METTL22: variants seen among roughly 807,000 people sequenced by gnomAD.
The protein encoded by METTL22 is methyltransferase-like protein 22.
In METTL22, 51 loss-of-function variants were observed where a neutral mutation model predicts 48.4. The observed-to-expected ratio is 1.05, with a 90% CI of 0.84 to 1.33. The LOEUF is 1.33. Among genes scored for constraint, METTL22 ranks in the 40% most tolerant of loss-of-function variants. The pLI, the probability that METTL22 is intolerant of heterozygous loss-of-function variation, is 0.00. For missense variants in METTL22, 678 were observed against 526.9 expected, an observed-to-expected ratio of 1.29 and a Z score of -2.81; for synonymous variants, 255 against 214.1, an observed-to-expected ratio of 1.19 and a Z score of -1.67.
chr16:8,635,152 G>A lies in METTL22; in HGVS notation c.556-16G>A, dbSNP rs200892057. On this transcript the variant is annotated splice_polypyrimidine_tract_variant and intron_variant, in intron 4 of 10. Transcript: ENST00000381920. The stretch of plus-strand genomic sequence containing the variant: ...AGCCTCACGCTGCTTGTCGCTCCTT[G>A]TCCTCTTCCCTCCAGGTGTGGCGGG... 15 of 1,613,566 alleles carry A rather than the reference G, an allele frequency of 9.3e-6. No homozygotes were observed. In the Admixed American group the frequency reaches 2.5e-4, roughly 27 times the overall value.
chr16:8,637,740 A>G (rs1184418224), intron 5 of METTL22, among the ~76,000 whole-genome samples: 4 of 152,162 alleles, frequency 2.6e-5, no homozygotes, highest in African/African-American at 9.7e-5. Context: ...GGGAGAACGC[A>G]CTCAGGGCAC....
intron 2 of METTL22, among the ~76,000 whole-genome samples, chr16:8,626,150 C>A (rs1319660185): frequency 1.3e-5 from 2 of 152,138 alleles, no homozygotes; most frequent in Non-Finnish European, 2.9e-5. Context: ...GCTCACATCA[C>A]CACACCTGGC....
intron 5 of METTL22, 133 bp from the exon 6 acceptor site, chr16:8,638,958 T>C (rs1340266396): frequency 1.5e-5 from 12 of 825,402 alleles, no homozygotes; most frequent in Non-Finnish European, 2.4e-5. Context: ...ATTTTGGCAG[T>C]AAGACACATA....
the METTL22 span, among the ~76,000 whole-genome samples, chr16:8,661,248 C>T: frequency 6.6e-6 from 1 of 152,022 alleles, no homozygotes; most frequent in East Asian, 1.9e-4. Context: ...TCTCGGGGGA[C>T]CCTAACTAAC....
chr16:8,642,055 G>A (rs531219686), intron 7 of METTL22, 72 bp from the exon 8 acceptor site: 12 of 1,220,824 alleles, frequency 9.8e-6, no homozygotes, highest in African/African-American at 4.5e-5. Flanking sequence ...GTGCCTTTTG[G>A]TCAGTCCCAG....
At position 8,638,998 on chromosome 16, in the gene METTL22, G is replaced by A; in HGVS notation, c.701-93G>A. Reference sequence around the variant, plus strand: ...AAACGTTTCTCTAATTTCTGCAGTTGTGCTGTTGATCACAGCTCTCTCTAG... The same window carrying A: ...AAACGTTTCTCTAATTTCTGCAGTTATGCTGTTGATCACAGCTCTCTCTAG... On this transcript the variant is annotated intron_variant, in intron 5 of 10. Transcript: ENST00000381920. The A allele has an allele frequency of 4.1e-6, 5 of 1,228,276 alleles. No homozygotes were observed. In the Admixed American group the frequency reaches 8.8e-5, roughly 22 times the overall value. 76.1% of individuals were successfully genotyped at this position (1,228,276 alleles called of 1,614,324 possible). A position where few individuals can be genotyped will look rare whatever the true frequency, so the allele number is the denominator to read the frequency against.
chr16:8,666,700 C>G, the METTL22 span: 1 of 152,102 alleles, frequency 6.6e-6, no homozygotes, highest in South Asian at 2.1e-4. Flanking sequence ...GAATATGAGC[C>G]CAACTCTCTT....
At position 8,635,300 on chromosome 16, in the gene METTL22, G is replaced by T. The variant is rs200956760; in HGVS notation, c.688G>T (p.Val230Phe). Reference protein sequence around the residue: ...SIIAATMARTVYCTDVGADLL... With the variant: ...SIIAATMARTFYCTDVGADLL... ...CATCGCAGCCACCATGGCACGGACC[G>T]TTTATTGTACAGGTAATGAGGTGAC... Residue 230 changes from valine to phenylalanine, a missense_variant, in exon 5 of 11, where the codon GTT becomes TTT. Coordinates refer to ENST00000381920, the MANE Select transcript of METTL22 (RefSeq NM_024109.4). The T allele has an allele frequency of 5.7e-6, 9 of 1,578,838 alleles. No homozygotes were observed. Among genetic ancestry groups the T allele is most frequent in the Non-Finnish European group, 6.9e-6 (8 of 1,163,718 alleles).
At position 8,621,754 on chromosome 16, in the gene METTL22, C is replaced by A. The variant is rs966040911; in HGVS notation, c.-192C>A. On this transcript the variant is annotated 5_prime_UTR_variant, in exon 1 of 11. Coordinates refer to ENST00000381920, the MANE Select transcript of METTL22 (RefSeq NM_024109.4). ...CACAGAGACGGGAGTCGGGTGGGAT[C>A]CCAGGCTGGGCCCCGCGGCGGGTAA... is the stretch of plus-strand genomic sequence containing the variant. The A allele has an allele frequency of 6.6e-6, 1 of 152,272 alleles. No individual in the cohort carries two copies. The highest frequency in any genetic ancestry group is 2.4e-5 in the African/African-American group (1 of 41,458). 9.4% of individuals were successfully genotyped at this position (152,272 alleles called of 1,614,324 possible).
intron 10 of METTL22, 88 bp downstream of exon 10, chr16:8,644,813 C>T (rs1460010083): frequency 1.6e-5 from 21 of 1,338,936 alleles, no homozygotes; most frequent in Non-Finnish European, 2.1e-5. Context: ...GCAAGCCCTC[C>T]AAGCACAGGC....
downstream of METTL22, among the ~76,000 whole-genome samples, chr16:8,649,934 ATGC>A (rs1265234191): frequency 6.6e-6 from 1 of 152,226 alleles, no homozygotes; most frequent in Non-Finnish European, 1.5e-5. Context: ...ATGTGGCCTG[ATGC>A]TGCAGTTTAA....
chr16:8,658,098 T>C, the METTL22 span, among the ~76,000 whole-genome samples: 1 of 152,224 alleles, frequency 6.6e-6, no homozygotes, highest in Non-Finnish European at 1.5e-5. Context: ...ATTATAGGCA[T>C]GAGCCACCGT....
chr16:8,628,618 C>G (rs777517109), intron 2 of METTL22, 112 bp from the exon 3 acceptor site: 25 of 1,389,128 alleles, frequency 1.8e-5, no homozygotes, highest in Non-Finnish European at 2.3e-5. Context: ...ATATCTCTAC[C>G]TGGCCTTTAA....
chr16:8,625,030 A>G (rs1355176223), intron 1 of METTL22, among the ~76,000 whole-genome samples: 1 of 152,226 alleles, frequency 6.6e-6, no homozygotes, highest in African/African-American at 2.4e-5. Flanking sequence ...CTGGGGGAAA[A>G]AAAACCTCAA....
the METTL22 span, among the ~76,000 whole-genome samples, chr16:8,661,086 G>C: frequency 0.58 from 88,632 of 151,974 alleles, 28,017 homozygotes; most frequent in East Asian, 0.89. Flanking sequence ...AAGCAGGGCC[G>C]TCAGGCACCT....
chr16:8,633,145 T>C (rs1046911035), intron 3 of METTL22, among the ~76,000 whole-genome samples: 2 of 152,054 alleles, frequency 1.3e-5, no homozygotes, highest in African/African-American at 4.8e-5. Flanking sequence ...CTGGGGTCTG[T>C]AGACCACAGA....
At chr16:8,650,394 G>C (rs1488997030), downstream of METTL22, among the ~76,000 whole-genome samples, 1 of 152,224 alleles carries the variant, frequency 6.6e-6, no homozygotes, top group Non-Finnish European at 1.5e-5. Flanking sequence ...CCTCTGCTGT[G>C]TAACAGCAAT....
At chr16:8,651,136 C>G (rs2056889158), downstream of METTL22, among the ~76,000 whole-genome samples, 1 of 151,814 alleles carries the variant, frequency 6.6e-6, no homozygotes, top group Non-Finnish European at 1.5e-5. Flanking sequence ...ACCTGTAATC[C>G]CAGCACTTTG....
intron 9 of METTL22, 159 bp from the exon 10 acceptor site, chr16:8,644,398 A>G (rs2056718115): frequency 1.5e-6 from 1 of 646,792 alleles, no homozygotes; most frequent in African/African-American, 1.9e-5. Context: ...AGATGTAGGA[A>G]GGAATTGCAC....
Sources: allele counts gnomAD v4.1 joint callset (sites outside exome capture counted in the v4.1 genomes callset), GRCh38; gene constraint gnomAD v4.1.1; transcripts MANE v1.5; gene names NCBI Gene and HGNC (gene_info 2026-07-23, HGNC 2026-07-21).